The following SLC20A2 variants were observed in gnomAD, a reference collection of about 807,000 sequenced individuals.
The protein encoded by SLC20A2 is sodium-dependent phosphate transporter 2.
SLC20A2 carries 30 observed loss-of-function variants against 61.0 expected under a neutral mutation model. The observed-to-expected ratio is 0.49, with a 90% CI of 0.37 to 0.67. The LOEUF is 0.67. Ranked by LOEUF, SLC20A2 falls within the 30% of genes least tolerant of loss-of-function variation. The pLI is 0.00. For synonymous variants in SLC20A2, 351 were observed against 353.3 expected, an observed-to-expected ratio of 0.99 and a Z score of 0.07; for missense variants, 626 against 866.4, an observed-to-expected ratio of 0.72 and a Z score of 3.48.
intron 8 of SLC20A2, among the ~76,000 whole-genome samples, chr8:42,436,675 G>GCA (rs1804284048): frequency 6.6e-6 from 1 of 152,150 alleles, no homozygotes; most frequent in African/African-American, 2.4e-5. Context: ...CCTCAAGACT[G>GCA]CACCTGCCGT....
intron 2 of SLC20A2, among the ~76,000 whole-genome samples, chr8:42,467,185 A>T (rs1266716248): frequency 6.6e-6 from 1 of 152,152 alleles, no homozygotes; most frequent in Non-Finnish European, 1.5e-5. Flanking sequence ...AAATTTGGGC[A>T]TCTGCTCTCA....
At chr8:42,527,312 C>T (rs1397899409) in intron 1 of SLC20A2, among the ~76,000 whole-genome samples, 3 of 150,378 alleles carry the variant, frequency 2.0e-5, no homozygotes, top group South Asian at 2.1e-4. Context: ...GCTGAGCTTG[C>T]GGTGAGCCAA....
chr8:42,516,421 A>G (rs1811324921), intron 1 of SLC20A2, among the ~76,000 whole-genome samples: 1 of 152,220 alleles, frequency 6.6e-6, no homozygotes, highest in Non-Finnish European at 1.5e-5. Flanking sequence ...CCTGTTTTAT[A>G]ACCTCTGGAG....
At chr8:42,485,911 A>T (rs945270942) in intron 1 of SLC20A2, among the ~76,000 whole-genome samples, 1 of 149,182 alleles carries the variant, frequency 6.7e-6, no homozygotes, top group Non-Finnish European at 1.5e-5. Context: ...GCGCTGCTGC[A>T]CTCCACCCTG....
chr8:42,457,967 A>G (rs568914835), intron 5 of SLC20A2, among the ~76,000 whole-genome samples: 8 of 152,358 alleles, frequency 5.3e-5, no homozygotes, highest in Admixed American at 5.2e-4. Flanking sequence ...TTGAGAAAGT[A>G]ATAAGGATTT....
chr8:42,512,411 C>T (rs2974295), intron 1 of SLC20A2, among the ~76,000 whole-genome samples: 73,005 of 150,410 alleles, frequency 0.49, 17,717 homozygotes, highest in East Asian at 0.51. Context: ...AGTGCAGTGG[C>T]GTGATCTCAG....
chr8:42,488,743 A>G (rs1484199388), intron 1 of SLC20A2, among the ~76,000 whole-genome samples: 1 of 152,114 alleles, frequency 6.6e-6, no homozygotes, highest in Non-Finnish European at 1.5e-5. Flanking sequence ...TATGATAGCC[A>G]TCCTAATGGG....
At chr8:42,418,161 T>C (rs1802798251) in intron 10 of SLC20A2, among the ~76,000 whole-genome samples, 194 bp from the exon 11 acceptor site, 3 of 152,210 alleles carry the variant, frequency 2.0e-5, no homozygotes, top group Non-Finnish European at 4.4e-5. Context: ...TATAGCTCTT[T>C]ATATAGTTGT....
chr8:42,489,075 G>T (rs920634770), intron 1 of SLC20A2, among the ~76,000 whole-genome samples: 1 of 151,726 alleles, frequency 6.6e-6, no homozygotes, highest in Non-Finnish European at 1.5e-5. Context: ...GAGCAGCTGG[G>T]ATTACAGATG....
At chr8:42,531,959 C>CAGGT (rs920701734) in intron 1 of SLC20A2, among the ~76,000 whole-genome samples, 1 of 151,298 alleles carries the variant, frequency 6.6e-6, no homozygotes, top group African/African-American at 2.4e-5. Flanking sequence ...GCTGGGACTA[C>CAGGT]AGGTGCCTGC....
intron 8 of SLC20A2, 56 bp downstream of exon 8, chr8:42,436,933 T>A: frequency 6.7e-7 from 1 of 1,484,492 alleles, no homozygotes; most frequent in Non-Finnish European, 9.1e-7. Context: ...CGCACAGCGC[T>A]GGCCCCTGGC....
intron 8 of SLC20A2, among the ~76,000 whole-genome samples, chr8:42,436,386 C>G (rs977804778): frequency 1.3e-5 from 2 of 152,202 alleles, no homozygotes; most frequent in African/African-American, 2.4e-5. Context: ...CAGCTCCACT[C>G]TTGCCTTTGC....
intron 5 of SLC20A2, among the ~76,000 whole-genome samples, chr8:42,447,415 T>C (rs60817994): frequency 0.023 from 3,451 of 151,606 alleles, 91 homozygotes; most frequent in East Asian, 0.078. Flanking sequence ...CGGTGGCTCA[T>C]GCCTGTAATC....
intron 1 of SLC20A2, among the ~76,000 whole-genome samples, chr8:42,539,669 GT>G (rs965378032): frequency 6.6e-6 from 1 of 152,042 alleles, no homozygotes; most frequent in African/African-American, 2.4e-5. Context: ...CATTATGTTT[GT>G]TTACCCTTAA....
chr8:42,425,645 C>T (rs1160056943), intron 10 of SLC20A2, among the ~76,000 whole-genome samples: 4 of 152,176 alleles, frequency 2.6e-5, no homozygotes, highest in African/African-American at 7.2e-5. Flanking sequence ...AAGTTGTGAC[C>T]TGTCTTGTCA....
chr8:42,502,348 T>C (rs905785931), upstream of SLC20A2: 2 of 152,228 alleles, frequency 1.3e-5, no homozygotes, highest in South Asian at 4.1e-4. Context: ...ATATGTTAGT[T>C]TGGACTTCAG....
At chr8:42,488,797 T>A (rs1317687359) in intron 1 of SLC20A2, among the ~76,000 whole-genome samples, 1 of 152,178 alleles carries the variant, frequency 6.6e-6, no homozygotes, top group Non-Finnish European at 1.5e-5. Context: ...ATTTCCTGAA[T>A]AATTTGTGAT....
At chr8:42,481,789 G>A (rs921265448) in intron 1 of SLC20A2, among the ~76,000 whole-genome samples, 5 of 152,138 alleles carry the variant, frequency 3.3e-5, no homozygotes, top group African/African-American at 1.2e-4. Context: ...TTACTTTGGC[G>A]TTTGGTTCTC....
At chr8:42,456,866 G>A (rs555187805) in intron 5 of SLC20A2, among the ~76,000 whole-genome samples, 36 of 152,134 alleles carry the variant, frequency 2.4e-4, no homozygotes, top group African/African-American at 8.2e-4. Context: ...TAGGTGGTGC[G>A]CTTAACTCCA....
Sources: allele counts gnomAD v4.1 joint callset (sites outside exome capture counted in the v4.1 genomes callset), GRCh38; gene constraint gnomAD v4.1.1; transcripts MANE v1.5; gene names NCBI Gene and HGNC (gene_info 2026-07-23, HGNC 2026-07-21).